TMEM132D: variants seen among roughly 807,000 people sequenced by gnomAD.
The protein encoded by TMEM132D is transmembrane protein 132D.
In TMEM132D, 21 loss-of-function variants were observed where a neutral mutation model predicts 62.3. The observed-to-expected ratio is 0.34, with a 90% CI of 0.24 to 0.49. The LOEUF is 0.49. Among genes scored for constraint, TMEM132D ranks in the 20% least tolerant of loss-of-function variants. TMEM132D has a pLI of 0.99. For missense variants in TMEM132D, 1,346 were observed against 1,402.8 expected (o/e 0.96, Z 0.65); for synonymous variants, 621 against 575.6 (o/e 1.08, Z -1.13).
intron 3 of TMEM132D, among the ~76,000 whole-genome samples, chr12:129,486,895 C>T (rs138537449): frequency 1.2e-3 from 185 of 152,234 alleles, no homozygotes; most frequent in African/African-American, 4.3e-3. Context: ...AAAGTAAGTC[C>T]TTGTCTTCAT....
At chr12:129,246,031 T>C (rs1880095954) in intron 4 of TMEM132D, among the ~76,000 whole-genome samples, 2 of 152,136 alleles carry the variant, frequency 1.3e-5, no homozygotes. Flanking sequence ...TGGTTTGTCA[T>C]GTTGGACCCT....
At chr12:129,517,023 G>A (rs1875702820) in intron 3 of TMEM132D, among the ~76,000 whole-genome samples, 1 of 152,058 alleles carries the variant, frequency 6.6e-6, no homozygotes. Context: ...TAATTACATG[G>A]GACCCATCAG....
At chr12:129,158,236 T>C (rs1003583896) in intron 5 of TMEM132D, among the ~76,000 whole-genome samples, 2 of 152,176 alleles carry the variant, frequency 1.3e-5, no homozygotes. Context: ...TGAATACACA[T>C]GTACATTAGA....
At chr12:129,887,011 T>C (rs1874770039) in intron 1 of TMEM132D, among the ~76,000 whole-genome samples, 1 of 152,198 alleles carries the variant, frequency 6.6e-6, no homozygotes, top group Non-Finnish European at 1.5e-5. Context: ...CTCTTTCCTT[T>C]ATAAATTACC....
chr12:129,508,507 A>C (rs1875407784), intron 3 of TMEM132D, among the ~76,000 whole-genome samples: 1 of 152,192 alleles, frequency 6.6e-6, no homozygotes, highest in African/African-American at 2.4e-5. Context: ...TTCTCGTTGC[A>C]AACAGAACGT....
intron 1 of TMEM132D, among the ~76,000 whole-genome samples, chr12:129,747,789 C>G (rs1379548070): frequency 6.7e-6 from 1 of 150,076 alleles, no homozygotes; most frequent in African/African-American, 2.5e-5. Flanking sequence ...TTCACACACT[C>G]GACACAGACA....
At chr12:129,593,453 T>C (rs919475347) in intron 2 of TMEM132D, among the ~76,000 whole-genome samples, 2 of 152,242 alleles carry the variant, frequency 1.3e-5, no homozygotes, top group Non-Finnish European at 2.9e-5. Context: ...TGTTTTAATA[T>C]GTCCATGAAA....
chr12:129,341,327 T>G (rs1869474606), intron 3 of TMEM132D, among the ~76,000 whole-genome samples: 1 of 152,184 alleles, frequency 6.6e-6, no homozygotes, highest in East Asian at 1.9e-4. Flanking sequence ...ATAAATACAG[T>G]TGGTTAAAGA....
At chr12:129,467,787 C>G (rs1025553491) in intron 3 of TMEM132D, among the ~76,000 whole-genome samples, 1 of 152,140 alleles carries the variant, frequency 6.6e-6, no homozygotes. Flanking sequence ...CAGGTTAGAT[C>G]CAGGTCCCAA....
intron 2 of TMEM132D, among the ~76,000 whole-genome samples, chr12:129,534,508 C>T (rs1458996444): frequency 3.3e-5 from 5 of 152,054 alleles, no homozygotes; most frequent in African/African-American, 9.7e-5. Context: ...TCAACACACA[C>T]ACACAGAGTT....
chr12:129,463,070 C>T (rs1185753269), intron 3 of TMEM132D, among the ~76,000 whole-genome samples: 1 of 152,150 alleles, frequency 6.6e-6, no homozygotes, highest in Non-Finnish European at 1.5e-5. Flanking sequence ...TGAATCTAGA[C>T]AGCATCACTT....
chr12:129,191,261 C>T (rs1878393121), intron 5 of TMEM132D, among the ~76,000 whole-genome samples: 1 of 148,176 alleles, frequency 6.7e-6, no homozygotes, highest in Non-Finnish European at 1.5e-5. Context: ...ATACACATAT[C>T]TTGCCGAAAA....
chr12:129,687,135 G>A (rs1593120152), intron 2 of TMEM132D, among the ~76,000 whole-genome samples: 3 of 152,250 alleles, frequency 2.0e-5, no homozygotes, highest in Middle Eastern at 6.8e-3. Flanking sequence ...CTTGTGGATG[G>A]CACAGCACTG....
intron 2 of TMEM132D, among the ~76,000 whole-genome samples, chr12:129,579,801 C>T (rs1020501902): frequency 6.6e-6 from 1 of 152,194 alleles, no homozygotes; most frequent in Non-Finnish European, 1.5e-5. Flanking sequence ...TCCAGAAACA[C>T]CCAGAAGCAA....
intron 3 of TMEM132D, among the ~76,000 whole-genome samples, chr12:129,374,548 G>A (rs1870726350): frequency 1.3e-5 from 2 of 152,034 alleles, no homozygotes; most frequent in African/African-American, 4.8e-5. Flanking sequence ...GTGAGAGGCT[G>A]GAGCTGAAGG....
At chr12:129,189,898 G>A (rs1878335522) in intron 5 of TMEM132D, among the ~76,000 whole-genome samples, 4 of 152,144 alleles carry the variant, frequency 2.6e-5, no homozygotes. Context: ...AGCTGATGTT[G>A]AGATGGGGAA....
intron 2 of TMEM132D, among the ~76,000 whole-genome samples, chr12:129,604,722 C>T (rs150113613): frequency 1.3e-5 from 2 of 152,184 alleles, no homozygotes; most frequent in African/African-American, 4.8e-5. Context: ...ATGCCTGAAG[C>T]ATTATCATAC....
At chr12:129,306,574 T>C (rs1481654110) in intron 4 of TMEM132D, among the ~76,000 whole-genome samples, 1 of 152,144 alleles carries the variant, frequency 6.6e-6, no homozygotes, top group Non-Finnish European at 1.5e-5. Context: ...CACTGGCAAA[T>C]AGGATTTTAT....
chr12:129,532,104 C>A (rs750130707), intron 2 of TMEM132D, among the ~76,000 whole-genome samples: 18 of 151,894 alleles, frequency 1.2e-4, no homozygotes, highest in Admixed American at 2.6e-4. Flanking sequence ...AAAATGCAAA[C>A]AGTTTGATTT....
Sources: allele counts gnomAD v4.1 joint callset (sites outside exome capture counted in the v4.1 genomes callset), GRCh38; gene constraint gnomAD v4.1.1; transcripts MANE v1.5; gene names NCBI Gene and HGNC (gene_info 2026-07-23, HGNC 2026-07-21).